ASIC2: variants seen among roughly 807,000 people sequenced by gnomAD.
ASIC2 encodes acid-sensing ion channel 2.
Under a neutral mutation model 57.3 loss-of-function variants are expected in ASIC2, and 25 were observed. The observed-to-expected ratio is 0.44, with a 90% CI of 0.32 to 0.61. ASIC2 has a LOEUF of 0.61. ASIC2 is among the 20% of genes least tolerant of loss of function. The pLI, the probability that ASIC2 is intolerant of heterozygous loss-of-function variation, is 0.06. For synonymous variants in ASIC2, 319 were observed against 307.5 expected (o/e 1.04, Z -0.39); for missense variants, 641 against 738.1 (o/e 0.87, Z 1.52).
chr17:33,770,508 T>C (rs527329469), intron 1 of ASIC2, among the ~76,000 whole-genome samples: 1 of 152,316 alleles, frequency 6.6e-6, no homozygotes, highest in Middle Eastern at 3.4e-3. Context: ...AGGCCCTGGT[T>C]CTGGGCATGA....
At chr17:33,463,118 T>C (rs936170112) in intron 1 of ASIC2, among the ~76,000 whole-genome samples, 1 of 152,262 alleles carries the variant, frequency 6.6e-6, no homozygotes, top group African/African-American at 2.4e-5. Flanking sequence ...TTTTGAATTA[T>C]AGTCTCAGAT....
chr17:34,075,805 C>A (rs537255871), intron 1 of ASIC2, among the ~76,000 whole-genome samples: 23 of 147,330 alleles, frequency 1.6e-4, no homozygotes, highest in Non-Finnish European at 2.8e-4. Context: ...TCACCTCTTT[C>A]AAGTCTTTTT....
At chr17:33,876,697 C>T (rs1307671614) in intron 1 of ASIC2, among the ~76,000 whole-genome samples, 1 of 152,224 alleles carries the variant, frequency 6.6e-6, no homozygotes, top group East Asian at 1.9e-4. Context: ...GTCTGCTTCT[C>T]ATGCTCAGTT....
chr17:33,669,379 C>A (rs1907576764), intron 1 of ASIC2, among the ~76,000 whole-genome samples: 2 of 152,056 alleles, frequency 1.3e-5, no homozygotes, highest in African/African-American at 4.8e-5. Context: ...GTCAGCAGAC[C>A]CAAAACAGAG....
intron 1 of ASIC2, among the ~76,000 whole-genome samples, chr17:34,055,615 T>C (rs1908737524): frequency 6.6e-6 from 1 of 152,232 alleles, no homozygotes; most frequent in Non-Finnish European, 1.5e-5. Flanking sequence ...TTTTGCTTAT[T>C]CTAAAAGCTC....
At chr17:33,605,206 C>T (rs1215787986) in intron 1 of ASIC2, among the ~76,000 whole-genome samples, 1 of 152,214 alleles carries the variant, frequency 6.6e-6, no homozygotes, top group African/African-American at 2.4e-5. Flanking sequence ...TCTGTGTCTG[C>T]CGGCATGGCA....
At chr17:33,258,619 G>A (rs1452585826) in intron 1 of ASIC2, among the ~76,000 whole-genome samples, 1 of 152,212 alleles carries the variant, frequency 6.6e-6, no homozygotes, top group Non-Finnish European at 1.5e-5. Flanking sequence ...TGCCTAGAAT[G>A]TTTGTGGAAC....
chr17:33,509,869 C>T (rs958047919), intron 1 of ASIC2, among the ~76,000 whole-genome samples: 2 of 152,156 alleles, frequency 1.3e-5, no homozygotes, highest in Non-Finnish European at 2.9e-5. Flanking sequence ...CTAGCCTTGC[C>T]ATTACAATAG....
At chr17:33,077,564 CAGAG>C (rs939345359) in intron 3 of ASIC2, among the ~76,000 whole-genome samples, 1 of 152,066 alleles carries the variant, frequency 6.6e-6, no homozygotes, top group African/African-American at 2.4e-5. Context: ...GGGAGAGAGA[CAGAG>C]AGTGAAAGAT....
chr17:33,028,630 C>T (rs1431127505), intron 3 of ASIC2, among the ~76,000 whole-genome samples: 1 of 152,172 alleles, frequency 6.6e-6, no homozygotes, highest in Non-Finnish European at 1.5e-5. Context: ...AAGCGATCCT[C>T]CTGTCTCGGC....
intron 1 of ASIC2, among the ~76,000 whole-genome samples, chr17:33,851,810 G>C (rs317409): frequency 0.3 from 46,201 of 152,090 alleles, 7,349 homozygotes; most frequent in East Asian, 0.48. Flanking sequence ...AACCACTGCT[G>C]TCAATGGACA....
intron 1 of ASIC2, among the ~76,000 whole-genome samples, chr17:34,015,506 G>A (rs1474878453): frequency 6.6e-6 from 1 of 152,216 alleles, no homozygotes. Context: ...ATGAGGCCCA[G>A]GGGCGAGGCT....
At chr17:33,922,829 G>A (rs918639328) in intron 1 of ASIC2, among the ~76,000 whole-genome samples, 3 of 152,100 alleles carry the variant, frequency 2.0e-5, no homozygotes, top group Admixed American at 2.0e-4. Flanking sequence ...ACCATCTCAC[G>A]AATGGCAAGT....
chr17:33,301,986 T>C (rs1905976796), intron 1 of ASIC2, among the ~76,000 whole-genome samples: 1 of 152,200 alleles, frequency 6.6e-6, no homozygotes, highest in Admixed American at 6.5e-5. Context: ...TTCAACAATG[T>C]CCATGTCCTT....
intron 1 of ASIC2, among the ~76,000 whole-genome samples, chr17:34,141,656 C>T (rs761231348): frequency 9.2e-5 from 14 of 152,318 alleles, no homozygotes; most frequent in Non-Finnish European, 1.8e-4. Flanking sequence ...CTGGGCAACT[C>T]ATAACCCTGG....
At chr17:33,187,396 G>A (rs554662425) in intron 1 of ASIC2, among the ~76,000 whole-genome samples, 1 of 152,294 alleles carries the variant, frequency 6.6e-6, no homozygotes, top group South Asian at 2.1e-4. Flanking sequence ...TGCAGAAAAT[G>A]CTTTCCAAGA....
At chr17:33,579,238 A>T (rs529836426) in intron 1 of ASIC2, among the ~76,000 whole-genome samples, 2 of 149,988 alleles carry the variant, frequency 1.3e-5, no homozygotes, top group Admixed American at 6.7e-5. Flanking sequence ...GTGAGCCAAA[A>T]TCACACCATT....
intron 1 of ASIC2, among the ~76,000 whole-genome samples, chr17:33,662,945 C>G (rs139085695): frequency 6.6e-6 from 1 of 152,042 alleles, no homozygotes; most frequent in Non-Finnish European, 1.5e-5. Context: ...GTATTCAACC[C>G]GGGTAGTAGT....
intron 1 of ASIC2, among the ~76,000 whole-genome samples, chr17:33,846,045 T>C (rs1315495050): frequency 2.0e-5 from 3 of 152,212 alleles, no homozygotes; most frequent in African/African-American, 7.2e-5. Context: ...TGCAGAATTT[T>C]GTCTAAGATT....
Sources: gnomAD v4.1 joint callset for allele counts (sites outside exome capture counted in the v4.1 genomes callset) on GRCh38, gnomAD v4.1.1 for gene constraint, MANE v1.5 for transcripts, NCBI Gene and HGNC (gene_info 2026-07-23, HGNC 2026-07-21) for gene names.